DPP6: variants seen among roughly 807,000 people sequenced by gnomAD.
The protein encoded by DPP6 is A-type potassium channel modulatory protein DPP6.
A neutral mutation model predicts 122.6 loss-of-function variants in DPP6; 69 were observed. The observed-to-expected ratio is 0.56, with a 90% CI of 0.46 to 0.69. DPP6 has a LOEUF of 0.69. DPP6 is among the 30% of genes least tolerant of loss of function. The pLI is 0.00. For missense variants in DPP6, 928 were observed against 1,116.9 expected, an observed-to-expected ratio of 0.83 and a Z score of 2.41; for synonymous variants, 418 against 433.1, an observed-to-expected ratio of 0.97 and a Z score of 0.43.
the DPP6 span, among the ~76,000 whole-genome samples, chr7:153,796,632 A>T: frequency 6.6e-6 from 1 of 152,206 alleles, no homozygotes; most frequent in Non-Finnish European, 1.5e-5. Context: ...CTAAAAATAT[A>T]ACACGTGGCA....
At chr7:154,060,936 A>G (rs1235374330) in intron 1 of DPP6, among the ~76,000 whole-genome samples, 48 of 135,616 alleles carry the variant, frequency 3.5e-4, no homozygotes, top group African/African-American at 1.3e-3. Context: ...CCCCACTGGC[A>G]TAGGACCCCC....
intron 3 of DPP6, among the ~76,000 whole-genome samples, chr7:154,491,630 C>T (rs1281675803): frequency 1.3e-5 from 2 of 152,170 alleles, no homozygotes; most frequent in African/African-American, 2.4e-5. Context: ...AAAGCTCCAC[C>T]TTATCCCATC....
At chr7:154,620,366 A>G (rs1310952303) in intron 5 of DPP6, among the ~76,000 whole-genome samples, 1 of 152,226 alleles carries the variant, frequency 6.6e-6, no homozygotes, top group East Asian at 1.9e-4. Context: ...CCACACATTA[A>G]AATGTTAGGT....
chr7:154,045,874 G>A (rs1255597714), intron 1 of DPP6, among the ~76,000 whole-genome samples: 7 of 152,328 alleles, frequency 4.6e-5, no homozygotes, highest in East Asian at 1.9e-4. Context: ...AGAACGTAGC[G>A]CAATGAATGG....
chr7:154,694,917 AC>A (rs971709287), intron 7 of DPP6, among the ~76,000 whole-genome samples: 26 of 152,218 alleles, frequency 1.7e-4, no homozygotes, highest in African/African-American at 5.8e-4. Context: ...ATGCACACAC[AC>A]CACCCATGCC....
intron 1 of DPP6, among the ~76,000 whole-genome samples, chr7:154,066,380 G>A (rs1379636251): frequency 1.3e-5 from 2 of 152,100 alleles, no homozygotes; most frequent in Non-Finnish European, 2.9e-5. Context: ...TTACAATGAT[G>A]CCACATTGCA....
chr7:154,617,591 C>A (rs1366907190), intron 5 of DPP6, among the ~76,000 whole-genome samples: 1 of 152,226 alleles, frequency 6.6e-6, no homozygotes, highest in Non-Finnish European at 1.5e-5. Flanking sequence ...CTCCCACCAC[C>A]ATCCCTGCCC....
intron 8 of DPP6, among the ~76,000 whole-genome samples, chr7:154,732,667 G>A (rs1208060357): frequency 2.6e-5 from 4 of 152,166 alleles, no homozygotes; most frequent in Admixed American, 1.3e-4. Context: ...AAAAGGGCCC[G>A]AAGGGTATTT....
At chr7:154,820,355 G>T (rs2150495234) in intron 16 of DPP6, among the ~76,000 whole-genome samples, 1 of 152,210 alleles carries the variant, frequency 6.6e-6, no homozygotes, top group Middle Eastern at 3.4e-3. Flanking sequence ...ACACAGAGCG[G>T]TAAAGAGTGG....
At chr7:154,705,616 G>T (rs939405012) in intron 7 of DPP6, among the ~76,000 whole-genome samples, 2 of 152,198 alleles carry the variant, frequency 1.3e-5, no homozygotes, top group Non-Finnish European at 2.9e-5. Context: ...TGGGGTGGCA[G>T]GGATGGAATC....
chr7:154,369,991 T>TTTATTTATTTAA (rs1812512237), intron 1 of DPP6, among the ~76,000 whole-genome samples: 1 of 151,396 alleles, frequency 6.6e-6, no homozygotes, highest in African/African-American at 2.4e-5. Flanking sequence ...TATTTATTTA[T>TTTATTTATTTAA]TTATTTATTT....
rs758079772 is a variant in DPP6, at chr7:154,439,406, A to AT, written c.244-6801dup. On this transcript the variant is annotated intron_variant, in intron 1 of 25. Coordinates refer to ENST00000377770, the MANE Select transcript of DPP6 (RefSeq NM_130797.4). Reference sequence around the variant, plus strand: ...TCTCTTGGGCCTGATGTGTTGTGACATTTTTTTCTGTGGATGATCAGGTCA... The same window carrying AT: ...TCTCTTGGGCCTGATGTGTTGTGACATTTTTTTTCTGTGGATGATCAGGTCA... 3.3e-4 allele frequency among the ~76,000 whole-genome samples: 51 copies of AT among 152,276 alleles called. No homozygotes were observed. The East Asian group carries it at 4.8e-3, about 14-fold the overall frequency.
intron 3 of DPP6, among the ~76,000 whole-genome samples, chr7:154,508,999 C>G (rs1825863044): frequency 1.3e-5 from 2 of 152,014 alleles, no homozygotes; most frequent in African/African-American, 4.8e-5. Flanking sequence ...GGATCAAAAA[C>G]CTAAATGTAA....
intron 1 of DPP6, among the ~76,000 whole-genome samples, chr7:154,227,925 A>G (rs1392503154): frequency 2.0e-5 from 3 of 152,220 alleles, no homozygotes; most frequent in African/African-American, 4.8e-5. Flanking sequence ...GCTACAATTT[A>G]TTTAACCTGC....
At chr7:154,018,506 C>T (rs1048087530) in intron 1 of DPP6, among the ~76,000 whole-genome samples, 6 of 152,186 alleles carry the variant, frequency 3.9e-5, no homozygotes, top group Non-Finnish European at 8.8e-5. Flanking sequence ...TAGGAACAGG[C>T]AAGTGTCCCT....
At chr7:154,705,349 T>C (rs1411273517) in intron 7 of DPP6, among the ~76,000 whole-genome samples, 1 of 152,202 alleles carries the variant, frequency 6.6e-6, no homozygotes, top group Non-Finnish European at 1.5e-5. Context: ...TCTCCTGCTA[T>C]TTTCCTTTCC....
At chr7:154,129,944 C>T (rs1252599268) in intron 1 of DPP6, among the ~76,000 whole-genome samples, 1 of 151,212 alleles carries the variant, frequency 6.6e-6, no homozygotes, top group East Asian at 1.9e-4. Context: ...GGCATGGTGA[C>T]ACACGCCTGT....
rs1423747984 is a variant in DPP6, at chr7:154,508,326, C to G, written c.458-32206C>G. 2.0e-5 allele frequency among the ~76,000 whole-genome samples: 3 copies of G among 152,206 alleles called. No individual in the cohort carries two copies. The East Asian group carries it at 5.8e-4, about 29-fold the overall frequency. The stretch of plus-strand genomic sequence containing the variant: ...TCACGTTGCAATTAATGAGGATGAG[C>G]CTGGAGGTGGGGGTTCCTCCATGGA... On this transcript the variant is annotated intron_variant, in intron 3 of 25. Transcript: ENST00000377770.
intron 17 of DPP6, 83 bp downstream of exon 17, chr7:154,853,910 A>G: frequency 1.3e-6 from 2 of 1,568,424 alleles, no homozygotes; most frequent in Non-Finnish European, 1.7e-6. Context: ...GCTGGCCCAC[A>G]TTCTCCTACT....
Sources: gnomAD v4.1 joint callset for allele counts (sites outside exome capture counted in the v4.1 genomes callset) on GRCh38, gnomAD v4.1.1 for gene constraint, MANE v1.5 for transcripts, NCBI Gene and HGNC (gene_info 2026-07-23, HGNC 2026-07-21) for gene names.